Variants in WWOX observed in about 807,000 individuals in gnomAD.
WWOX encodes the protein WW domain-containing oxidoreductase.
A neutral mutation model predicts 46.2 loss-of-function variants in WWOX; 69 were observed. The observed-to-expected ratio is 1.49, with a 90% CI of 1.23 to 1.82. The LOEUF (loss-of-function observed/expected upper bound fraction) is 1.82, where lower values mean the gene tolerates loss of function less well. Ranked by LOEUF, WWOX falls within the 40% of genes most tolerant of loss-of-function variation. WWOX has a pLI of 0.00. For synonymous variants in WWOX, 359 were observed against 202.6 expected (o/e 1.77, Z -6.56); for missense variants, 919 against 542.6 (o/e 1.69, Z -6.89).
chr16:78,659,880 C>T (rs1282818718), intron 8 of WWOX, among the ~76,000 whole-genome samples: 1 of 152,158 alleles, frequency 6.6e-6, no homozygotes, highest in South Asian at 2.1e-4. Flanking sequence ...AAGTCCGGGT[C>T]CCCAGGCTCA....
rs1455277494 is a variant in WWOX, at chr16:79,212,556, TAATCCCTTTGTCTGTC to T, written c.*765_*780del. The T allele has an allele frequency of 1.2e-5, 2 of 167,460 alleles. No homozygotes were observed. Among genetic ancestry groups the T allele is most frequent in the Admixed American group, 5.5e-5 (1 of 18,168 alleles). The allele number at this position is 167,460 out of a possible 1,614,324, so 10.4% of individuals were successfully genotyped here. A position where few individuals can be genotyped will look rare whatever the true frequency, so the allele number is the denominator to read the frequency against. ...GGGGGGCAGAGAATAAAACGTTAGT[TAATCCCTTTGTCTGTC>T]AATCACAGTCTCAGTTCTCTTGCTT... On this transcript the variant is annotated 3_prime_UTR_variant, in exon 9 of 9. Transcript: ENST00000566780.
intron 6 of WWOX, among the ~76,000 whole-genome samples, chr16:78,395,419 T>G (rs1327680367): frequency 1.1e-4 from 16 of 152,134 alleles, no homozygotes; most frequent in Admixed American, 2.0e-4. Flanking sequence ...CTTGGGAGGC[T>G]GACGAGTAAG....
intron 5 of WWOX, among the ~76,000 whole-genome samples, chr16:78,165,184 A>C (rs1567607977): frequency 6.6e-6 from 1 of 152,168 alleles, no homozygotes; most frequent in Non-Finnish European, 1.5e-5. Context: ...TTTGAGCTAG[A>C]GAGTGATGCG....
intron 8 of WWOX, among the ~76,000 whole-genome samples, chr16:78,991,989 G>C (rs1489575208): frequency 6.6e-6 from 1 of 152,092 alleles, no homozygotes; most frequent in African/African-American, 2.4e-5. Context: ...AAACTCAGGG[G>C]GTTGGGAAAC....
chr16:78,143,985 C>G (rs956723444), intron 4 of WWOX, among the ~76,000 whole-genome samples: 18 of 151,814 alleles, frequency 1.2e-4, no homozygotes, highest in African/African-American at 4.4e-4. Flanking sequence ...GTTGTAAAAC[C>G]CATACATTTA....
At chr16:78,977,653 G>A (rs542031897) in intron 8 of WWOX, among the ~76,000 whole-genome samples, 5 of 152,122 alleles carry the variant, frequency 3.3e-5, no homozygotes, top group South Asian at 2.1e-4. Context: ...GCTCAGCCTC[G>A]AAAGAAGTGC....
At chr16:78,444,236 A>T (rs1472480444) in intron 8 of WWOX, among the ~76,000 whole-genome samples, 1 of 152,078 alleles carries the variant, frequency 6.6e-6, no homozygotes, top group Non-Finnish European at 1.5e-5. Context: ...ATCTAATGTA[A>T]TTTTAGAGTG....
intron 8 of WWOX, among the ~76,000 whole-genome samples, chr16:79,131,359 G>C (rs544845691): frequency 1.3e-5 from 2 of 152,238 alleles, no homozygotes; most frequent in South Asian, 4.2e-4. Context: ...CACAAAGAGA[G>C]CCTGAAAAGC....
chr16:78,679,534 G>T (rs183065205), intron 8 of WWOX, among the ~76,000 whole-genome samples: 2 of 152,220 alleles, frequency 1.3e-5, no homozygotes, highest in East Asian at 1.9e-4. Flanking sequence ...CTGGGTGACA[G>T]AGTGAGACTC....
chr16:78,867,175 CAA>C (rs1394657186), intron 8 of WWOX, among the ~76,000 whole-genome samples: 3 of 152,064 alleles, frequency 2.0e-5, no homozygotes, highest in Non-Finnish European at 4.4e-5. Context: ...ATGAGACAGA[CAA>C]AACTGCAACT....
chr16:78,690,551 G>C (rs886326709), intron 8 of WWOX, among the ~76,000 whole-genome samples: 1 of 151,924 alleles, frequency 6.6e-6, no homozygotes, highest in African/African-American at 2.4e-5. Context: ...GACCCTGTCT[G>C]AAAATTAAAA....
chr16:78,469,274 G>C (rs1037970490), intron 8 of WWOX, among the ~76,000 whole-genome samples: 2 of 151,942 alleles, frequency 1.3e-5, no homozygotes, highest in Non-Finnish European at 2.9e-5. Context: ...TTAAGAACTG[G>C]TACTATGAAG....
chr16:78,500,524 C>T (rs2085035700), intron 8 of WWOX, among the ~76,000 whole-genome samples: 1 of 152,022 alleles, frequency 6.6e-6, no homozygotes, highest in African/African-American at 2.4e-5. Flanking sequence ...CCATGAGAAG[C>T]CATAGCAAGA....
intron 8 of WWOX, among the ~76,000 whole-genome samples, chr16:78,677,440 G>C (rs1203825473): frequency 1.3e-5 from 2 of 152,126 alleles, no homozygotes; most frequent in African/African-American, 2.4e-5. Flanking sequence ...AAGTTGAGAA[G>C]TTTCACAAAA....
At chr16:78,658,543 G>A (rs1383683251) in intron 8 of WWOX, among the ~76,000 whole-genome samples, 1 of 152,062 alleles carries the variant, frequency 6.6e-6, no homozygotes, top group Non-Finnish European at 1.5e-5. Flanking sequence ...GGTTCCTCCC[G>A]GGGCTCTCAG....
intron 4 of WWOX, among the ~76,000 whole-genome samples, chr16:78,155,006 C>T (rs999014018): frequency 6.6e-6 from 1 of 152,174 alleles, no homozygotes; most frequent in African/African-American, 2.4e-5. Flanking sequence ...AGCCCAAACC[C>T]CACCTCTAGC....
chr16:79,013,377 T>A (rs930282890), intron 8 of WWOX, among the ~76,000 whole-genome samples: 1 of 152,196 alleles, frequency 6.6e-6, no homozygotes, highest in Non-Finnish European at 1.5e-5. Context: ...ACTGCCCCGA[T>A]CCCTATCTTG....
chr16:79,195,565 T>C (rs1399725334), intron 8 of WWOX, among the ~76,000 whole-genome samples: 2 of 152,132 alleles, frequency 1.3e-5, no homozygotes, highest in African/African-American at 4.8e-5. Flanking sequence ...CCACTACAGT[T>C]TCTTGGGCTT....
intron 5 of WWOX, among the ~76,000 whole-genome samples, chr16:78,362,093 C>T (rs951169204): frequency 1.5e-4 from 23 of 151,456 alleles, no homozygotes; most frequent in Non-Finnish European, 5.9e-5. Flanking sequence ...CTTCTCACTA[C>T]ATTCTTCCTC....
Sources: allele counts gnomAD v4.1 joint callset (sites outside exome capture counted in the v4.1 genomes callset), GRCh38; gene constraint gnomAD v4.1.1; transcripts MANE v1.5; gene names NCBI Gene and HGNC (gene_info 2026-07-23, HGNC 2026-07-21).